Variants in SPG11 observed in about 807,000 individuals in gnomAD.
The protein encoded by SPG11 is SPG11 vesicle trafficking associated, spatacsin.
A neutral mutation model predicts 274.0 loss-of-function variants in SPG11; 222 were observed. The observed-to-expected ratio is 0.81, with a 90% CI of 0.73 to 0.91. The LOEUF (loss-of-function observed/expected upper bound fraction) is 0.91, where lower values mean the gene tolerates loss of function less well. Ranked by LOEUF, SPG11 falls within the 40% of genes least tolerant of loss-of-function variation. SPG11 has a pLI of 0.00. For missense variants in SPG11, 3,114 were observed against 2,872.7 expected (o/e 1.08, Z -1.92); for synonymous variants, 1,144 against 1,039.7 (o/e 1.10, Z -1.93).
Position 44,570,672 on chromosome 15 carries a change from C to T in SPG11, c.6344-14G>A. The T allele has an allele frequency of 6.2e-7, 1 of 1,612,958 alleles. No individual in the cohort carries two copies. The highest frequency in any genetic ancestry group is 8.5e-7 in the Non-Finnish European group (1 of 1,179,586). Reference sequence around the variant, plus strand: ...GGAGCTCTGTGGCTGGGAGGGTGGGCACTGGTAAGATAAGATTATGAACCC... The same window carrying T: ...GGAGCTCTGTGGCTGGGAGGGTGGGTACTGGTAAGATAAGATTATGAACCC... On this transcript the variant is annotated splice_polypyrimidine_tract_variant and intron_variant, in intron 33 of 39. Coordinates refer to ENST00000261866, the MANE Select transcript of SPG11 (RefSeq NM_025137.4).
At chr15:44,629,865 G>T (rs1318490828) in intron 8 of SPG11, among the ~76,000 whole-genome samples, 1 of 152,174 alleles carries the variant, frequency 6.6e-6, no homozygotes, top group African/African-American at 2.4e-5. Context: ...GAGGTCAGGA[G>T]TTCGAGACCA....
intron 28 of SPG11, among the ~76,000 whole-genome samples, chr15:44,588,317 AC>A (rs1595849316): frequency 6.6e-6 from 1 of 151,842 alleles, no homozygotes; most frequent in Admixed American, 6.6e-5. Context: ...AAACAAAAAA[AC>A]AAGCACAATT....
chr15:44,659,006 G>A lies in SPG11; in HGVS notation c.667+73C>T, dbSNP rs892329949. On this transcript the variant is annotated intron_variant, in intron 3 of 39. Transcript: ENST00000261866. The stretch of plus-strand genomic sequence containing the variant: ...CTATATCCCAGCTCCCAAAACTAAA[G>A]CCTAAAAAGGCTCATCTTTATAGGT... 10 of 1,435,660 alleles carry A rather than the reference G, an allele frequency of 7.0e-6. No homozygotes were observed. In the Middle Eastern group the frequency reaches 8.7e-4, roughly 125 times the overall value. The allele number at this position is 1,435,660 out of a possible 1,614,324, so 88.9% of individuals were successfully genotyped here.
intron 20 of SPG11, among the ~76,000 whole-genome samples, chr15:44,605,270 A>T (rs932253625): frequency 3.3e-5 from 5 of 152,194 alleles, no homozygotes; most frequent in Admixed American, 6.5e-5. Flanking sequence ...CTGAACATCT[A>T]CTGTAGGCTT....
intron 30 of SPG11, among the ~76,000 whole-genome samples, chr15:44,581,000 T>C (rs2082648529): frequency 6.6e-6 from 1 of 151,424 alleles, no homozygotes; most frequent in Non-Finnish European, 1.5e-5. Flanking sequence ...CCAAATAGAA[T>C]AAAGCCAAAG....
chr15:44,632,489 T>C (rs1157098000), intron 8 of SPG11, among the ~76,000 whole-genome samples: 4 of 151,236 alleles, frequency 2.6e-5, no homozygotes, highest in Admixed American at 6.6e-5. Context: ...GTTGGTAATA[T>C]GGCAAAAAAG....
chr15:44,657,033 T>A, intron 4 of SPG11, 62 bp downstream of exon 4: 1 of 1,445,838 alleles, frequency 6.9e-7, no homozygotes, highest in Non-Finnish European at 9.5e-7. Flanking sequence ...AACGAGGATA[T>A]TTTTAACCTC....
intron 34 of SPG11, 52 bp from the exon 35 acceptor site, chr15:44,569,557 T>G: frequency 2.9e-6 from 4 of 1,374,838 alleles, no homozygotes; most frequent in Non-Finnish European, 4.1e-6. Flanking sequence ...TCTGGAGTTC[T>G]CTGAGCCAGA....
In SPG11 at chr15:44,657,141, T is replaced by G. The variant is rs1327782261; in HGVS notation, c.823A>C (p.Ser275Arg). Residue 275 changes from serine (S) to arginine (R), a missense_variant, in exon 4 of 40, where the codon AGC (serine) becomes CGC (arginine). Coordinates refer to ENST00000261866, the MANE Select transcript of SPG11 (RefSeq NM_025137.4). ...AGAGCAACTGCGGAGTTGGAGGAGC[T>G]GACAATCACTGCAACATCGAGGTCT... is the stretch of plus-strand genomic sequence containing the variant. ...SQDLDVAVIVSSSNSAVALNL... is the reference protein window; with the variant it reads ...SQDLDVAVIVRSSNSAVALNL... 3.1e-6 allele frequency: 5 copies of G among 1,614,198 alleles called. No individual in the cohort carries two copies. Among genetic ancestry groups the G allele is most frequent in the Non-Finnish European group, 1.7e-6 (2 of 1,180,032 alleles).
intron 31 of SPG11, among the ~76,000 whole-genome samples, chr15:44,574,037 C>G (rs2082483385): frequency 6.6e-6 from 1 of 152,230 alleles, no homozygotes; most frequent in Non-Finnish European, 1.5e-5. Context: ...GAGTTTCACT[C>G]TTGTTGCCCA....
chr15:44,647,543 C>G (rs1364599406), intron 7 of SPG11, among the ~76,000 whole-genome samples: 1 of 152,022 alleles, frequency 6.6e-6, no homozygotes, highest in Non-Finnish European at 1.5e-5. Context: ...AATGGATAAA[C>G]AAAATGCAGT....
rs1233479743 is a variant in SPG11, at chr15:44,629,382, T to C, written c.1742A>G (p.Glu581Gly). The C allele has an allele frequency of 6.2e-7, 1 of 1,613,982 alleles. No individual in the cohort carries two copies. Residue 581 changes from glutamate (E) to glycine (G), a missense_variant, in exon 9 of 40, where the codon GAA (glutamate) becomes GGA (glycine). Coordinates refer to ENST00000261866, the MANE Select transcript of SPG11 (RefSeq NM_025137.4). ...LSSHLYLRNV[E>G]ELIPALDLLC... The stretch of plus-strand genomic sequence containing the variant: ...TAAATCCAATGCTGGTATCAGCTCT[T>C]CCACATCTGAGAAAGAACCAAAGAA...
rs779451771 is a variant in SPG11 at position 44,595,279 on chromosome 15, C to T, written c.4615G>A (p.Gly1539Ser). 1.2e-6 allele frequency: 2 copies of T among 1,614,166 alleles called. No individual in the cohort carries two copies. The highest frequency in any genetic ancestry group is 1.7e-5 in the Admixed American group (1 of 60,020). Reference sequence around the variant, plus strand: ...ACTACCTTAAAGAAAAGCTGGAAACCTCTGATGAGAGTTTTGCTCTTTTGT... The same window carrying T: ...ACTACCTTAAAGAAAAGCTGGAAACTTCTGATGAGAGTTTTGCTCTTTTGT... Reference protein sequence around the residue: ...TRQKSKTLIRGFQLFFKDSPL... With the variant: ...TRQKSKTLIRSFQLFFKDSPL... The change falls in exon 26 of 40, where the codon GGT becomes AGT. Residue 1539 changes from glycine (G) to serine (S), a missense_variant. Gly to Ser is a moderately conservative substitution (Grantham distance 56). Coordinates refer to ENST00000261866, the MANE Select transcript of SPG11 (RefSeq NM_025137.4).
chr15:44,579,019 G>A (rs1191233218), intron 30 of SPG11, among the ~76,000 whole-genome samples: 1 of 151,804 alleles, frequency 6.6e-6, no homozygotes, highest in African/African-American at 2.4e-5. Context: ...TTAGCCAGGT[G>A]TGGTGGTGCA....
At position 44,570,513 on chromosome 15, in the gene SPG11, G is replaced by T. The variant is rs774157270; in HGVS notation, c.6477+12C>A. 3.7e-6 allele frequency: 6 copies of T among 1,612,146 alleles called. No individual in the cohort carries two copies. The highest frequency in any genetic ancestry group is 5.1e-6 in the Non-Finnish European group (6 of 1,178,734). ...CCACAGGATGGAGACTGGGGTTGAGGGGGCTACTTACCACCAGCCCATACT... is the reference window on the plus strand; with the variant it reads ...CCACAGGATGGAGACTGGGGTTGAGTGGGCTACTTACCACCAGCCCATACT... On this transcript the variant is annotated intron_variant, in intron 34 of 39. Transcript: ENST00000261866.
intron 6 of SPG11, among the ~76,000 whole-genome samples, chr15:44,650,553 G>A (rs780186944): frequency 5.9e-5 from 9 of 151,346 alleles, no homozygotes; most frequent in Non-Finnish European, 8.9e-5. Flanking sequence ...ACTCTGGAGG[G>A]AGGTGGAGGT....
intron 17 of SPG11, 55 bp from the exon 18 acceptor site, chr15:44,611,040 G>A: frequency 1.6e-6 from 2 of 1,254,820 alleles, no homozygotes; most frequent in Non-Finnish European, 2.1e-6. Context: ...ACTAAATTAA[G>A]GATTACATAA....
chr15:44,578,182 G>A (rs1268006893), intron 30 of SPG11, among the ~76,000 whole-genome samples: 6 of 150,220 alleles, frequency 4.0e-5, no homozygotes, highest in South Asian at 4.2e-4. Context: ...CCGCCACCAC[G>A]CGTGGCTATT....
chr15:44,598,631 C>T lies in SPG11; in HGVS notation c.3892G>A (p.Ala1298Thr). The change falls in exon 22 of 40, where the codon GCC becomes ACC. Residue 1298 changes from alanine to threonine, a missense_variant and splice_region_variant. Transcript: ENST00000261866. ...GCAGGCCAGATAAAAGGTGCTGTAC[C>T]TACAGACTCTCTGATAAAGCTGTAC... is the stretch of plus-strand genomic sequence containing the variant. ...AQYSFIRESV[A>T]EKLSKLADGE... The T allele has an allele frequency of 6.2e-7, 1 of 1,613,988 alleles. No individual in the cohort carries two copies. The highest frequency in any genetic ancestry group is 1.7e-5 in the Admixed American group (1 of 60,028).
Sources: gnomAD v4.1 joint callset for allele counts (sites outside exome capture counted in the v4.1 genomes callset) on GRCh38, gnomAD v4.1.1 for gene constraint, MANE v1.5 for transcripts, NCBI Gene and HGNC (gene_info 2026-07-23, HGNC 2026-07-21) for gene names.